The following OR2L13 variants were observed in gnomAD, a reference collection of about 807,000 sequenced individuals.
OR2L13 encodes olfactory receptor 2L13.
In OR2L13, 14 loss-of-function variants were observed where a neutral mutation model predicts 15.3. That is an observed-to-expected ratio of 0.91 (90% CI 0.60 to 1.43). The LOEUF (loss-of-function observed/expected upper bound fraction) is 1.43. OR2L13 is among the 40% of genes most tolerant of loss of function. The pLI is 0.00. For synonymous variants in OR2L13, 152 were observed against 142.9 expected, an observed-to-expected ratio of 1.06 and a Z score of -0.45; for missense variants, 367 against 387.9, an observed-to-expected ratio of 0.95 and a Z score of 0.45.
the OR2L13 span, among the ~76,000 whole-genome samples, chr1:247,998,271 A>G: frequency 6.6e-6 from 1 of 152,136 alleles, no homozygotes; most frequent in African/African-American, 2.4e-5. Context: ...GTGGTTTTGC[A>G]GCTAATTCAT....
At chr1:248,022,449 T>C in the OR2L13 span, 14 of 1,614,216 alleles carry the variant, frequency 8.7e-6, no homozygotes, top group Admixed American at 1.7e-4. Context: ...TATCCCATAT[T>C]GCAAGTCCAG....
the OR2L13 span, among the ~76,000 whole-genome samples, chr1:248,047,426 A>G: frequency 6.6e-6 from 1 of 152,212 alleles, no homozygotes; most frequent in Non-Finnish European, 1.5e-5. Flanking sequence ...ATTAAAGTAA[A>G]GGTACAACGA....
At chr1:248,069,047 T>G in the OR2L13 span, among the ~76,000 whole-genome samples, 46 of 152,262 alleles carry the variant, frequency 3.0e-4, 1 homozygote, top group Middle Eastern at 0.027. Context: ...TGCAAAACAC[T>G]CAGCAGTATA....
At chr1:247,968,518 A>G in the OR2L13 span, among the ~76,000 whole-genome samples, 1 of 55,712 alleles carries the variant, frequency 1.8e-5, no homozygotes, top group Non-Finnish European at 3.6e-5. Flanking sequence ...CAACAGGCCC[A>G]GGTGAGTGAT....
the OR2L13 span, among the ~76,000 whole-genome samples, chr1:248,028,682 C>T: frequency 6.6e-6 from 1 of 152,100 alleles, no homozygotes; most frequent in Non-Finnish European, 1.5e-5. Flanking sequence ...ATTTCTACGT[C>T]CAGGAAACTC....
chr1:248,097,988 A>G (rs1269845430), intron 1 of OR2L13, among the ~76,000 whole-genome samples: 2 of 152,162 alleles, frequency 1.3e-5, no homozygotes, highest in Non-Finnish European at 2.9e-5. Flanking sequence ...TTAATCAAAT[A>G]TTTGCTTGGA....
the OR2L13 span, among the ~76,000 whole-genome samples, chr1:248,056,222 G>T: frequency 1.3e-5 from 2 of 151,964 alleles, no homozygotes; most frequent in African/African-American, 2.4e-5. Context: ...TGTACAACGT[G>T]CAGGTTAGTT....
At chr1:247,953,799 G>A in the OR2L13 span, among the ~76,000 whole-genome samples, 1 of 152,066 alleles carries the variant, frequency 6.6e-6, no homozygotes, top group Non-Finnish European at 1.5e-5. Context: ...TATCACTACA[G>A]CCTGGGAATT....
At chr1:248,088,983 C>T in the OR2L13 span, among the ~76,000 whole-genome samples, 12 of 152,050 alleles carry the variant, frequency 7.9e-5, no homozygotes, top group Admixed American at 2.6e-4. Flanking sequence ...TTAATCCTGA[C>T]ACTGACCGGA....
the OR2L13 span, among the ~76,000 whole-genome samples, chr1:248,072,247 C>T: frequency 7.2e-5 from 11 of 152,246 alleles, no homozygotes; most frequent in South Asian, 2.1e-4. Context: ...GCTACAGTAA[C>T]CAAAACAGCA....
At chr1:248,042,460 A>C in the OR2L13 span, among the ~76,000 whole-genome samples, 28 of 152,076 alleles carry the variant, frequency 1.8e-4, no homozygotes, top group African/African-American at 4.3e-4. Flanking sequence ...ACATATGTAA[A>C]TAACCTGCAC....
the OR2L13 span, among the ~76,000 whole-genome samples, chr1:248,009,577 C>T: frequency 1.3e-5 from 2 of 152,088 alleles, no homozygotes; most frequent in Admixed American, 6.6e-5. Flanking sequence ...GATTCACAGC[C>T]GAATTCTACC....
At chr1:247,973,087 TA>T in the OR2L13 span, among the ~76,000 whole-genome samples, 1 of 152,164 alleles carries the variant, frequency 6.6e-6, no homozygotes, top group African/African-American at 2.4e-5. Flanking sequence ...CCCTTCATGC[TA>T]AAAACACTCA....
chr1:248,021,113 T>C, the OR2L13 span, among the ~76,000 whole-genome samples: 3 of 152,146 alleles, frequency 2.0e-5, no homozygotes, highest in African/African-American at 7.2e-5. Flanking sequence ...GCATTTGTTT[T>C]AAGCATAACA....
At chr1:247,966,068 G>C in the OR2L13 span, 2 of 1,614,150 alleles carry the variant, frequency 1.2e-6, no homozygotes, top group South Asian at 2.2e-5. Flanking sequence ...ATGAGCTCAG[G>C]AAAAGGACAG....
the OR2L13 span, chr1:247,949,010 C>T: frequency 6.2e-7 from 1 of 1,613,786 alleles, no homozygotes; most frequent in African/African-American, 1.3e-5. Flanking sequence ...TCTTCTTGGA[C>T]ACCCATCTCC....
the OR2L13 span, among the ~76,000 whole-genome samples, chr1:248,014,753 A>T: frequency 6.6e-6 from 1 of 152,170 alleles, no homozygotes; most frequent in East Asian, 1.9e-4. Context: ...CACGGTCACT[A>T]TGTCACAGAC....
the OR2L13 span, chr1:248,042,351 G>A: frequency 2.7e-5 from 3 of 111,714 alleles, no homozygotes; most frequent in East Asian, 3.2e-4. Flanking sequence ...TCTGGGGACT[G>A]TTGTGGGGTG....
chr1:247,948,272 A>G, the OR2L13 span, among the ~76,000 whole-genome samples: 1 of 152,154 alleles, frequency 6.6e-6, no homozygotes, highest in African/African-American at 2.4e-5. Context: ...TAAAGGTAAG[A>G]CTAATTTATT....
Sources: allele counts gnomAD v4.1 joint callset (sites outside exome capture counted in the v4.1 genomes callset), GRCh38; gene constraint gnomAD v4.1.1; transcripts MANE v1.5; gene names NCBI Gene and HGNC (gene_info 2026-07-23, HGNC 2026-07-21).